HMGCL: variants seen among roughly 807,000 people sequenced by gnomAD.
HMGCL encodes the protein 3-hydroxy-3-methylglutaryl-CoA lyase, also known as hydroxymethylglutaryl-CoA lyase, mitochondrial.
In HMGCL, 26 loss-of-function variants were observed where a neutral mutation model predicts 37.3. The ratio of observed to expected loss-of-function variants is 0.70; its 90% confidence interval spans 0.51 to 0.97. The LOEUF (loss-of-function observed/expected upper bound fraction) is 0.97. Ranked by LOEUF, HMGCL falls within the 50% of genes least tolerant of loss-of-function variation. The pLI, the probability that HMGCL is intolerant of heterozygous loss-of-function variation, is 0.00. For synonymous variants in HMGCL, 151 were observed against 148.0 expected (o/e 1.02, Z -0.15); for missense variants, 379 against 398.1 (o/e 0.95, Z 0.41).
In HMGCL at chr1:23,821,716, A is replaced by C. The variant is rs35127060; in HGVS notation, c.61-1123T>G. ...TTGATGCTTTCCAATTAAGAAAAGA[A>C]AAGACTGTATGAGTTGCCTCCTCTG... On this transcript the variant is annotated intron_variant, in intron 1 of 8. Coordinates refer to ENST00000374490, the MANE Select transcript of HMGCL (RefSeq NM_000191.3). Among the ~76,000 whole-genome samples the C allele has an allele frequency of 1.4e-3, 219 of 152,256 alleles. 1 individual carries two copies. The highest frequency in any genetic ancestry group is 2.6e-3 in the Non-Finnish European group (176 of 68,018).
intron 2 of HMGCL, among the ~76,000 whole-genome samples, chr1:23,818,300 A>T (rs1487060371): frequency 6.6e-6 from 1 of 152,136 alleles, no homozygotes; most frequent in Non-Finnish European, 1.5e-5. Flanking sequence ...CTCTACAAAA[A>T]ATACAAAAAT....
chr1:23,820,337 A>G (rs1638695043), intron 2 of HMGCL, among the ~76,000 whole-genome samples, 173 bp downstream of exon 2: 1 of 152,108 alleles, frequency 6.6e-6, no homozygotes, highest in Non-Finnish European at 1.5e-5. Context: ...ACCATTTTAG[A>G]TCATTTAACT....
intron 5 of HMGCL, among the ~76,000 whole-genome samples, chr1:23,811,026 C>T (rs1447097905): frequency 2.0e-5 from 3 of 152,170 alleles, no homozygotes; most frequent in Non-Finnish European, 2.9e-5. Context: ...AGAAGTTGCA[C>T]AGGCCTCAGG....
At position 23,804,537 on chromosome 1, in the gene HMGCL, A is replaced by C; in HGVS notation, c.751-12T>G. On this transcript the variant is annotated splice_polypyrimidine_tract_variant and intron_variant, in intron 7 of 8. Transcript: ENST00000374490. ...ACACTCACTCCCATCTAGAAACATA[A>C]GGATGGTGAAACACAGTTGTTGCTG... is the stretch of plus-strand genomic sequence containing the variant. The C allele has an allele frequency of 1.2e-6, 2 of 1,614,062 alleles. No homozygotes were observed. Among genetic ancestry groups the C allele is most frequent in the Non-Finnish European group, 1.7e-6 (2 of 1,179,958 alleles).
chr1:23,822,085 G>A, intron 1 of HMGCL, among the ~76,000 whole-genome samples: 1 of 152,156 alleles, frequency 6.6e-6, no homozygotes, highest in East Asian at 1.9e-4. Flanking sequence ...TTCATCCCTA[G>A]TGTTTGGCAC....
chr1:23,823,207 T>C (rs1000730550), intron 1 of HMGCL, among the ~76,000 whole-genome samples: 2 of 148,434 alleles, frequency 1.3e-5, no homozygotes, highest in Admixed American at 6.7e-5. Context: ...AAAAAGCTTC[T>C]AAAACCTGCT....
At chr1:23,825,239 C>G (rs1340447890) in intron 1 of HMGCL, 117 bp downstream of exon 1, 1 of 831,486 alleles carries the variant, frequency 1.2e-6, no homozygotes, top group Non-Finnish European at 2.0e-6. Flanking sequence ...CCTCCCGACT[C>G]TGGCCTGAGA....
chr1:23,814,138 G>A lies in HMGCL; in HGVS notation c.497+52C>T, dbSNP rs1638571541. ...GGAGGACCACTTGAGTCAGAGTCTA[G>A]CCCCATTCCAGAACGGTACAGAGGA... On this transcript the variant is annotated intron_variant, in intron 5 of 8. Coordinates refer to ENST00000374490, the MANE Select transcript of HMGCL (RefSeq NM_000191.3). 7 of 1,601,230 alleles carry A rather than the reference G, an allele frequency of 4.4e-6. No individual in the cohort carries two copies. Among genetic ancestry groups the A allele is most frequent in the Non-Finnish European group, 5.1e-6 (6 of 1,170,354 alleles).
At position 23,806,044 on chromosome 1, in the gene HMGCL, C is replaced by T. The variant is rs373469940; in HGVS notation, c.751-1519G>A. ...GCAAATCACTGCAACCTCCACCTCC[C>T]GGGCTCAAGTGATTCTCATGCCTCA... On this transcript the variant is annotated intron_variant, in intron 7 of 8. Coordinates refer to ENST00000374490, the MANE Select transcript of HMGCL (RefSeq NM_000191.3). The surrounding 1 kb of genome is among the most constrained non-coding windows in gnomAD (Gnocchi z 4.0). 1.4e-4 allele frequency among the ~76,000 whole-genome samples: 22 copies of T among 152,188 alleles called. No individual in the cohort carries two copies. The South Asian group carries it at 3.7e-3, about 26-fold the overall frequency.
At chr1:23,819,006 TAAAAAAAAAAA>T (rs11371330) in intron 2 of HMGCL, among the ~76,000 whole-genome samples, 6 of 43,142 alleles carry the variant, frequency 1.4e-4, no homozygotes, top group African/African-American at 6.2e-4. Flanking sequence ...ATGGACGTGC[TAAAAAAAAAAA>T]AAAAAAAAAA....
intron 4 of HMGCL, 44 bp from the exon 5 acceptor site, chr1:23,814,382 T>C (rs1035718194): frequency 1.1e-5 from 17 of 1,608,212 alleles, no homozygotes; most frequent in Non-Finnish European, 1.4e-5. Context: ...TTTCTCTTTT[T>C]TTGTTTGAGA....
chr1:23,804,341 C>G, intron 8 of HMGCL, 59 bp downstream of exon 8: 14 of 1,609,278 alleles, frequency 8.7e-6, no homozygotes, highest in Non-Finnish European at 1.2e-5. Flanking sequence ...CTTTTGTTCT[C>G]AGCTTCAGGC....
intron 7 of HMGCL, among the ~76,000 whole-genome samples, chr1:23,805,026 A>G (rs1343790261): frequency 1.3e-5 from 2 of 151,322 alleles, no homozygotes; most frequent in Non-Finnish European, 1.5e-5. Flanking sequence ...TTAAACCTCT[A>G]TCACCCCCTT....
intron 5 of HMGCL, 141 bp downstream of exon 5, chr1:23,814,049 T>A: frequency 1.1e-6 from 1 of 897,452 alleles, no homozygotes; most frequent in Non-Finnish European, 1.8e-6. Context: ...CCACACTTAT[T>A]TGGGAAAAGA....
chr1:23,807,086 A>AACAGAGAAGC (rs758956851), intron 7 of HMGCL: 1 of 519,042 alleles, frequency 1.9e-6, no homozygotes, highest in South Asian at 1.4e-5. Flanking sequence ...ACTGCCATGA[A>AACAGAGAAGC]ACAGAGAAGC....
chr1:23,818,223 C>G (rs1313186062), intron 2 of HMGCL, among the ~76,000 whole-genome samples: 1 of 152,206 alleles, frequency 6.6e-6, no homozygotes, highest in Non-Finnish European at 1.5e-5. Flanking sequence ...CTTTGGGAGG[C>G]TGAGACAGGC....
At chr1:23,811,313 G>A (rs780559510) in intron 5 of HMGCL, among the ~76,000 whole-genome samples, 1 of 152,252 alleles carries the variant, frequency 6.6e-6, no homozygotes, top group Non-Finnish European at 1.5e-5. Context: ...TTCACCTGAT[G>A]TTTACTGAGT....
intron 4 of HMGCL, 66 bp from the exon 5 acceptor site, chr1:23,814,404 T>C: frequency 6.3e-7 from 1 of 1,584,630 alleles, no homozygotes; most frequent in Non-Finnish European, 8.6e-7. Context: ...GGAGTCTTGC[T>C]TTGTTGCCCA....
chr1:23,810,629 T>C, intron 6 of HMGCL, 107 bp downstream of exon 6: 1 of 910,782 alleles, frequency 1.1e-6, no homozygotes, highest in Non-Finnish European at 1.8e-6. Flanking sequence ...GGTGAATGAA[T>C]GAAGTCAGGA....
Sources: allele counts gnomAD v4.1 joint callset (sites outside exome capture counted in the v4.1 genomes callset), GRCh38; gene constraint gnomAD v4.1.1; non-coding constraint Gnocchi (gnomAD v3.1); transcripts MANE v1.5; gene names NCBI Gene and HGNC (gene_info 2026-07-23, HGNC 2026-07-21).